The following AMMECR1 variants were observed in gnomAD, a reference collection of about 807,000 sequenced individuals.
AMMECR1 encodes AMMECR nuclear protein 1.
AMMECR1 carries 3 observed loss-of-function variants against 22.5 expected under a neutral mutation model. That is an observed-to-expected ratio of 0.13 (90% CI 0.06 to 0.35). The LOEUF (loss-of-function observed/expected upper bound fraction) is 0.35. Among genes scored for constraint, AMMECR1 ranks in the 10% least tolerant of loss-of-function variants. AMMECR1 has a pLI of 1.00. For synonymous variants in AMMECR1, 130 were observed against 116.7 expected, an observed-to-expected ratio of 1.11 and a Z score of -0.74; for missense variants, 235 against 278.7, an observed-to-expected ratio of 0.84 and a Z score of 1.12.
intron 2 of AMMECR1, among the ~76,000 whole-genome samples, chrX:110,221,567 C>T (rs190142940): frequency 2.3e-4 from 26 of 111,633 alleles, no homozygotes; most frequent in African/African-American, 8.1e-4. Flanking sequence ...GCTATATGTA[C>T]AGTGTTACTT....
chrX:110,233,962 T>C (rs1461629241), intron 2 of AMMECR1, among the ~76,000 whole-genome samples: 2 of 111,979 alleles, frequency 1.8e-5, no homozygotes, highest in Non-Finnish European at 3.8e-5. Context: ...CAACATAGTG[T>C]TGGAAGTTCT....
intron 1 of AMMECR1, among the ~76,000 whole-genome samples, chrX:110,289,085 T>C (rs780130613): frequency 2.7e-5 from 3 of 112,267 alleles, no homozygotes; most frequent in South Asian, 7.4e-4. Flanking sequence ...TCTAAATCCA[T>C]ATTTGAAACA....
At chrX:110,212,708 T>C (rs1351541787) in intron 3 of AMMECR1, among the ~76,000 whole-genome samples, 1 of 111,918 alleles carries the variant, frequency 8.9e-6, no homozygotes, top group Non-Finnish European at 1.9e-5. Context: ...GTGAAGCATA[T>C]ACTTTCATAA....
chrX:110,296,918 T>C (rs780784627), intron 1 of AMMECR1, among the ~76,000 whole-genome samples: 13 of 111,259 alleles, frequency 1.2e-4, no homozygotes, highest in Non-Finnish European at 2.1e-4. Context: ...AGTGCCATAG[T>C]TTACTGTTGG....
intron 1 of AMMECR1, among the ~76,000 whole-genome samples, chrX:110,277,869 A>G (rs997802487): frequency 8.9e-6 from 1 of 112,133 alleles, no homozygotes; most frequent in Non-Finnish European, 1.9e-5. Flanking sequence ...TGCCAAAAAT[A>G]GCTCACTCCT....
intron 2 of AMMECR1, among the ~76,000 whole-genome samples, chrX:110,358,315 C>G (rs2068241090): frequency 9.0e-6 from 1 of 111,360 alleles, no homozygotes; most frequent in Non-Finnish European, 1.9e-5. Context: ...ATTGAGATGA[C>G]AGAGGAATAG....
At chrX:110,410,434 T>C (rs746753593) in intron 2 of AMMECR1, among the ~76,000 whole-genome samples, 5 of 112,334 alleles carry the variant, frequency 4.5e-5, no homozygotes, top group Non-Finnish European at 9.4e-5. Flanking sequence ...TCTTTGACGA[T>C]GTCTATCCAT....
At chrX:110,410,284 C>T (rs941908027) in intron 2 of AMMECR1, among the ~76,000 whole-genome samples, 1 of 111,716 alleles carries the variant, frequency 9.0e-6, no homozygotes, top group African/African-American at 3.3e-5. Flanking sequence ...AGCTGCTGCT[C>T]ACTCTGCCTA....
rs1175938620 is a variant in AMMECR1 at position 110,198,511 on chromosome X, G to A, written c.*9C>T. On this transcript the variant is annotated 3_prime_UTR_variant, in exon 6 of 6. Coordinates refer to ENST00000262844, the MANE Select transcript of AMMECR1 (RefSeq NM_015365.3). Reference sequence around the variant, plus strand: ...AGAGAGGCCCAGTGACTGGTTGTGCGGCTCAGTGTCAGGAATAATGGTTGT... The same window carrying A: ...AGAGAGGCCCAGTGACTGGTTGTGCAGCTCAGTGTCAGGAATAATGGTTGT... 8.8e-6 allele frequency: 10 copies of A among 1,134,430 alleles called. No individual in the cohort carries two copies. Among genetic ancestry groups the A allele is most frequent in the African/African-American group, 3.6e-5 (2 of 54,899 alleles). 93.5% of individuals were successfully genotyped at this position (1,134,430 alleles called of 1,213,427 possible).
At chrX:110,351,466 G>C (rs1399642300) in intron 2 of AMMECR1, among the ~76,000 whole-genome samples, 1 of 111,851 alleles carries the variant, frequency 8.9e-6, no homozygotes, top group South Asian at 3.8e-4. Flanking sequence ...TTTTCATCAA[G>C]GGCACCCAGA....
rs2067365995 is a variant in AMMECR1, at chrX:110,195,621, T to C, written c.*2899A>G. On this transcript the variant is annotated 3_prime_UTR_variant, in exon 6 of 6. Transcript: ENST00000262844. ...GTATTACTTCTGAGCTGTTTAAAGA[T>C]CACTGAACTCATACAATATTCTGAT... 8.9e-6 allele frequency: 1 copy of C among 112,420 alleles called. No individual in the cohort carries two copies. Among genetic ancestry groups the C allele is most frequent in the Non-Finnish European group, 1.9e-5 (1 of 53,255 alleles). The allele number at this position is 112,420 out of a possible 1,213,427, so 9.3% of individuals were successfully genotyped here.
chrX:110,235,961 TA>T (rs1174358293), intron 2 of AMMECR1, among the ~76,000 whole-genome samples: 30 of 90,108 alleles, frequency 3.3e-4, no homozygotes, highest in African/African-American at 9.9e-4. Context: ...TAAAGTATAA[TA>T]AAAAAAAAAG....
intron 2 of AMMECR1, among the ~76,000 whole-genome samples, chrX:110,262,003 G>C (rs2067743957): frequency 9.0e-6 from 1 of 111,227 alleles, no homozygotes; most frequent in Non-Finnish European, 1.9e-5. Context: ...TGCATGTAAA[G>C]CTCCTCAACA....
At chrX:110,285,191 G>T (rs975005126) in intron 1 of AMMECR1, among the ~76,000 whole-genome samples, 2 of 112,175 alleles carry the variant, frequency 1.8e-5, no homozygotes, top group East Asian at 2.8e-4. Context: ...ATAATGATTT[G>T]CTGAATAAAA....
chrX:110,379,929 C>T (rs1007893110), intron 2 of AMMECR1, among the ~76,000 whole-genome samples: 5 of 111,626 alleles, frequency 4.5e-5, no homozygotes, highest in Admixed American at 3.8e-4. Context: ...CTTGCTACAA[C>T]TTTTGGAAGA....
chrX:110,366,000 G>A (rs1169529323), intron 2 of AMMECR1, among the ~76,000 whole-genome samples: 4 of 111,608 alleles, frequency 3.6e-5, no homozygotes, highest in Non-Finnish European at 1.9e-5. Context: ...TTGGCTTTAG[G>A]GGAACTAGAT....
chrX:110,290,714 T>C (rs1395775208), intron 1 of AMMECR1, among the ~76,000 whole-genome samples: 2 of 111,586 alleles, frequency 1.8e-5, no homozygotes, highest in African/African-American at 6.5e-5. Context: ...TAAGATCTGA[T>C]GAAATCAGGA....
chrX:110,227,292 A>G (rs900870514), intron 2 of AMMECR1, among the ~76,000 whole-genome samples: 3 of 112,189 alleles, frequency 2.7e-5, no homozygotes, highest in African/African-American at 9.7e-5. Flanking sequence ...TGTCCTTTCT[A>G]AAACTACTGC....
intron 2 of AMMECR1, among the ~76,000 whole-genome samples, chrX:110,378,001 T>A (rs1602946781): frequency 3.1e-5 from 2 of 65,106 alleles, no homozygotes; most frequent in South Asian, 1.9e-3. Flanking sequence ...AGAGCGAGAC[T>A]CCGTCTCAAA....
Sources: gnomAD v4.1 joint callset for allele counts (sites outside exome capture counted in the v4.1 genomes callset) on GRCh38, gnomAD v4.1.1 for gene constraint, MANE v1.5 for transcripts, NCBI Gene and HGNC (gene_info 2026-07-23, HGNC 2026-07-21) for gene names.